The following OPTN variants were observed in gnomAD, a reference collection of about 807,000 sequenced individuals.
The protein encoded by OPTN is optineurin.
A neutral mutation model predicts 70.4 loss-of-function variants in OPTN; 54 were observed. The observed-to-expected ratio is 0.77, with a 90% confidence interval of 0.62 to 0.96. OPTN has a LOEUF of 0.96. Ranked by LOEUF, OPTN falls within the 40% of genes least tolerant of loss-of-function variation. The pLI, the probability that OPTN is intolerant of heterozygous loss-of-function variation, is 0.00. For missense variants in OPTN, 624 were observed against 673.2 expected, an observed-to-expected ratio of 0.93 and a Z score of 0.81; for synonymous variants, 256 against 248.5, an observed-to-expected ratio of 1.03 and a Z score of -0.28.
At chr10:13,109,565 C>T (rs1393186246) in intron 3 of OPTN, 2 of 407,856 alleles carry the variant, frequency 4.9e-6, no homozygotes, top group Non-Finnish European at 4.6e-6. Context: ...GTGGCTCATG[C>T]CTGTCATTCC....
rs185972378 is a variant in OPTN at position 13,114,268 on chromosome 10, C to A, written c.552+1633C>A. 1.8e-4 allele frequency among the ~76,000 whole-genome samples: 27 copies of A among 152,198 alleles called. No homozygotes were observed. In the East Asian group the frequency reaches 5.0e-3, roughly 28 times the overall value. On this transcript the variant is annotated intron_variant, in intron 5 of 14. Coordinates refer to ENST00000378747, the MANE Select transcript of OPTN (RefSeq NM_001008212.2). ...TAGGAAACAGCTCTGAATAACCCTG[C>A]CATCCATTCCCCCTCATACATTTCA... is the stretch of plus-strand genomic sequence containing the variant.
intron 13 of OPTN, among the ~76,000 whole-genome samples, chr10:13,132,908 C>T (rs901655311): frequency 1.3e-5 from 2 of 152,008 alleles, no homozygotes; most frequent in Non-Finnish European, 2.9e-5. Flanking sequence ...TTATTTGCTT[C>T]AAGTATTTTT....
At chr10:13,132,507 A>C (rs1028618264) in intron 13 of OPTN, among the ~76,000 whole-genome samples, 1 of 151,892 alleles carries the variant, frequency 6.6e-6, no homozygotes, top group Admixed American at 6.6e-5. Flanking sequence ...TGATTTTAAA[A>C]TGTTGTGTTG....
chr10:13,134,298 A>C (rs777888631), intron 14 of OPTN, among the ~76,000 whole-genome samples: 2 of 152,132 alleles, frequency 1.3e-5, no homozygotes, highest in Non-Finnish European at 2.9e-5. Context: ...CATCTTTAAA[A>C]TCTATTTCAA....
chr10:13,137,422 A>G lies in OPTN; in HGVS notation c.*556A>G, dbSNP rs1012885751. The G allele has an allele frequency of 1.2e-4, 29 of 232,366 alleles. No individual in the cohort carries two copies. Among genetic ancestry groups the G allele is most frequent in the African/African-American group, 5.8e-4 (26 of 45,028 alleles). 14.4% of individuals were successfully genotyped at this position (232,366 alleles called of 1,614,324 possible). A position where few individuals can be genotyped will look rare whatever the true frequency, so the allele number is the denominator to read the frequency against. ...TACTACTCTTCTGATAATAATTTTA[A>G]TATTTTTTATGTTTGGTTGATGCGA... On this transcript the variant is annotated 3_prime_UTR_variant, in exon 15 of 15. Coordinates refer to ENST00000378747, the MANE Select transcript of OPTN (RefSeq NM_001008212.2).
chr10:13,112,414 T>C, intron 4 of OPTN, 39 bp from the exon 5 acceptor site: 1 of 1,600,044 alleles, frequency 6.2e-7, no homozygotes, highest in East Asian at 2.2e-5. Flanking sequence ...CCAGCCTTAG[T>C]TTGATCTGTT....
intron 3 of OPTN, 133 bp from the exon 4 acceptor site, chr10:13,110,140 AC>A: frequency 1.3e-6 from 2 of 1,503,444 alleles, no homozygotes; most frequent in Admixed American, 4.5e-5. Flanking sequence ...TTTGCTGCTG[AC>A]CCTTGGGCCA....
rs1173374847 is a variant in OPTN, at chr10:13,114,845, AT to A, written c.553-1420del. ...AATTATATAATTATATAATTATATA[AT>A]TGTATAATATATTCTACAATTATAT... On this transcript the variant is annotated intron_variant, in intron 5 of 14. Transcript: ENST00000378747. Among the ~76,000 whole-genome samples the A allele has an allele frequency of 3.1e-4, 32 of 104,640 alleles. 6 individuals are homozygous for A. Among genetic ancestry groups the A allele is most frequent in the Admixed American group, 9.9e-4 (8 of 8,104 alleles). 68.6% of individuals were successfully genotyped at this position (104,640 alleles called of 152,430 possible).
intron 7 of OPTN, among the ~76,000 whole-genome samples, chr10:13,119,485 T>C (rs1042363702): frequency 6.6e-6 from 1 of 152,242 alleles, no homozygotes; most frequent in Non-Finnish European, 1.5e-5. Context: ...TGCCACTTTT[T>C]ACCTATTAGG....
At chr10:13,109,834 C>CAA (rs33911800) in intron 3 of OPTN, among the ~76,000 whole-genome samples, 42,533 of 84,430 alleles carry the variant, frequency 0.5, 10,937 homozygotes, top group Non-Finnish European at 0.64. Context: ...GACCCTGACT[C>CAA]AAAAAAAAAA....
chr10:13,134,753 G>A (rs909691838), intron 14 of OPTN, among the ~76,000 whole-genome samples: 5 of 152,160 alleles, frequency 3.3e-5, no homozygotes, highest in African/African-American at 4.8e-5. Context: ...TAGAGACAGC[G>A]TTTCACCATG....
chr10:13,125,217 A>ACTTTTTTAT (rs1335673163), intron 9 of OPTN, among the ~76,000 whole-genome samples: 1 of 152,216 alleles, frequency 6.6e-6, no homozygotes. Context: ...TTAGATCTGT[A>ACTTTTTTAT]CTTTTTTATG....
intron 10 of OPTN, 50 bp downstream of exon 10, chr10:13,125,617 C>A: frequency 6.2e-7 from 1 of 1,605,282 alleles, no homozygotes; most frequent in South Asian, 1.1e-5. Flanking sequence ...GAGGGAGAAT[C>A]GCCTTTTTAT....
chr10:13,102,582 G>A lies in OPTN; in HGVS notation c.-164+2280G>A, dbSNP rs554966384. Among the ~76,000 whole-genome samples, 44 of 152,346 alleles carry A rather than the reference G, an allele frequency of 2.9e-4. 1 individual carries two copies. In the South Asian group the frequency reaches 9.1e-3, roughly 32 times the overall value. On this transcript the variant is annotated intron_variant, in intron 1 of 14. Transcript: ENST00000378747. The stretch of plus-strand genomic sequence containing the variant: ...GTCCTTTGTGGAGGTCAACATGGCT[G>A]TGGTACAGACAAGATAAGGGCCTGA...
At position 13,111,578 on chromosome 10, in the gene OPTN, G is replaced by A. The variant is rs536875505; in HGVS notation, c.370-875G>A. Among the ~76,000 whole-genome samples, 26 of 151,988 alleles carry A rather than the reference G, an allele frequency of 1.7e-4. No homozygotes were observed. The East Asian group carries it at 4.9e-3, about 29-fold the overall frequency. ...CCAGGCATGGTAGTGCGTGCCTGTAGTCCCAGCTACTTGGGAGGCTAAGGC... is the reference window on the plus strand; with the variant it reads ...CCAGGCATGGTAGTGCGTGCCTGTAATCCCAGCTACTTGGGAGGCTAAGGC... On this transcript the variant is annotated intron_variant, in intron 4 of 14. Coordinates refer to ENST00000378747, the MANE Select transcript of OPTN (RefSeq NM_001008212.2).
At chr10:13,132,989 T>C (rs1013312801) in intron 13 of OPTN, among the ~76,000 whole-genome samples, 12 of 152,170 alleles carry the variant, frequency 7.9e-5, no homozygotes, top group African/African-American at 2.9e-4. Context: ...ATCATTATAT[T>C]CCTTTCTTCT....
Position 13,137,765 on chromosome 10 carries a change from G to A in OPTN, c.*899G>A, listed in dbSNP as rs753963042. 7.0e-5 allele frequency: 16 copies of A among 227,992 alleles called. No individual in the cohort carries two copies. Among genetic ancestry groups the A allele is most frequent in the Non-Finnish European group, 1.0e-4 (12 of 114,878 alleles). 14.1% of individuals were successfully genotyped at this position (227,992 alleles called of 1,614,324 possible). A position where few individuals can be genotyped will look rare whatever the true frequency, so the allele number is the denominator to read the frequency against. ...AGACAAGTGAAAAAATATTGGCATC[G>A]ATGAAACCGATAACATTGGCCTCAT... On this transcript the variant is annotated 3_prime_UTR_variant, in exon 15 of 15. Transcript: ENST00000378747.
intron 5 of OPTN, among the ~76,000 whole-genome samples, chr10:13,115,511 T>G (rs1412862449): frequency 1.9e-5 from 2 of 105,752 alleles, no homozygotes; most frequent in South Asian, 2.5e-4. Flanking sequence ...ATAGAATATA[T>G]ATAATATATT....
chr10:13,114,292 C>T (rs914981593), intron 5 of OPTN, among the ~76,000 whole-genome samples: 1 of 152,086 alleles, frequency 6.6e-6, no homozygotes, highest in Non-Finnish European at 1.5e-5. Flanking sequence ...TCATACATTT[C>T]AGTGGCCAAA....
Sources: gnomAD v4.1 joint callset for allele counts (sites outside exome capture counted in the v4.1 genomes callset) on GRCh38, gnomAD v4.1.1 for gene constraint, MANE v1.5 for transcripts, NCBI Gene and HGNC (gene_info 2026-07-23, HGNC 2026-07-21) for gene names.